The following GPR141 variants were observed in gnomAD, a reference collection of about 807,000 sequenced individuals.
GPR141 encodes probable G protein-coupled receptor 141.
A neutral mutation model predicts 6.8 loss-of-function variants in GPR141; 6 were observed. The observed-to-expected ratio is 0.88, with a 90% CI of 0.48 to 1.74. The LOEUF is 1.74. Ranked by LOEUF, GPR141 falls within the 40% of genes most tolerant of loss-of-function variation. The pLI is 0.01. For missense variants in GPR141, 372 were observed against 372.9 expected (o/e 1.00, Z 0.02); for synonymous variants, 140 against 142.3 (o/e 0.98, Z 0.11).
At chr7:37,722,845 A>T (rs557686239) in intron 2 of GPR141, among the ~76,000 whole-genome samples, 4 of 152,256 alleles carry the variant, frequency 2.6e-5, no homozygotes, top group African/African-American at 9.6e-5. Context: ...TCTAACACAG[A>T]TGCATAGAAA....
In GPR141 at chr7:37,742,814, A is replaced by G. The variant is rs886422117; in HGVS notation, c.*1503A>G. ...AAACTCCCATGACACATGTTTACCT[A>G]TGTAACAAACCTGCACATGTACCCC... On this transcript the variant is annotated 3_prime_UTR_variant, in exon 3 of 3. Coordinates refer to ENST00000334425, the MANE Select transcript of GPR141 (RefSeq NM_001381946.1). Among the ~76,000 whole-genome samples, 1 of 152,204 alleles carries G rather than the reference A, an allele frequency of 6.6e-6. No homozygotes were observed. Among genetic ancestry groups the G allele is most frequent in the African/African-American group, 2.4e-5 (1 of 41,458 alleles).
Position 37,740,519 on chromosome 7 carries a change from G to C in GPR141, c.126G>C (p.Leu42=). ...LVGVISILFL[L]VKMNTRSVTT... The stretch of plus-strand genomic sequence containing the variant: ...GTGTCATTTCCATTCTTTTCCTCCT[G>C]GTGAAAATGAACACCCGGTCAGTGA... The change falls in exon 3 of 3, where the codon CTG becomes CTC. Residue 42 remains leucine, a synonymous_variant. Coordinates refer to ENST00000334425, the MANE Select transcript of GPR141 (RefSeq NM_001381946.1). 6.2e-7 allele frequency: 1 copy of C among 1,613,934 alleles called. No individual in the cohort carries two copies. The highest frequency in any genetic ancestry group is 1.1e-5 in the South Asian group (1 of 91,068).
Position 37,732,037 on chromosome 7 carries a change from T to TTTTATTTA in GPR141, c.-14-8331_-14-8324dup, listed in dbSNP as rs59467979. The stretch of plus-strand genomic sequence containing the variant: ...AGGTTTCTTTGTTTGTTTTTTTTAT[T>TTTTATTTA]TTTATTTATTTATTTATTTTATTTT... On this transcript the variant is annotated intron_variant, in intron 2 of 2. Coordinates refer to ENST00000334425, the MANE Select transcript of GPR141 (RefSeq NM_001381946.1). Among the ~76,000 whole-genome samples the TTTTATTTA allele has an allele frequency of 7.4e-3, 1,075 of 146,150 alleles. 14 individuals are homozygous for TTTTATTTA. The highest frequency in any genetic ancestry group is 0.025 in the African/African-American group (1,005 of 40,348).
At chr7:37,713,855 A>G (rs930891218) in intron 2 of GPR141, among the ~76,000 whole-genome samples, 1 of 152,176 alleles carries the variant, frequency 6.6e-6, no homozygotes, top group Non-Finnish European at 1.5e-5. Context: ...TCTGTTTGTC[A>G]TCTCCTTTAA....
chr7:37,741,441 AAATGCAAGAG>A lies in GPR141; in HGVS notation c.*131_*140del. Reference sequence around the variant, plus strand: ...ATGTACCCAAAACAAAAGGACTATAAAATGCAAGAGCCCTCATTGTAGTCCTTATGGGATC... The same window carrying A: ...ATGTACCCAAAACAAAAGGACTATAACCCTCATTGTAGTCCTTATGGGATC... On this transcript the variant is annotated 3_prime_UTR_variant, in exon 3 of 3. Transcript: ENST00000334425. The A allele has an allele frequency of 1.5e-6, 1 of 677,208 alleles. No individual in the cohort carries two copies. 41.9% of individuals were successfully genotyped at this position (677,208 alleles called of 1,614,324 possible).
chr7:37,692,268 T>C (rs1377150472), intron 2 of GPR141, among the ~76,000 whole-genome samples: 1 of 152,182 alleles, frequency 6.6e-6, no homozygotes, highest in Non-Finnish European at 1.5e-5. Context: ...GTTCCTCTGT[T>C]AGTTTGCTGA....
rs141485529 is a variant in GPR141 at position 37,729,462 on chromosome 7, C to T, written c.-14-10918C>T. ...GGCCATATCCAAAAAATGTTTAATC[C>T]AGTCAGGGCACTTTTTCACCATTAT... On this transcript the variant is annotated intron_variant, in intron 2 of 2. Transcript: ENST00000334425. 6.1e-3 allele frequency among the ~76,000 whole-genome samples: 936 copies of T among 152,302 alleles called. 6 individuals carry two copies. The highest frequency in any genetic ancestry group is 0.021 in the African/African-American group (890 of 41,548).
At chr7:37,740,136 T>C (rs891191214) in intron 2 of GPR141, among the ~76,000 whole-genome samples, 3 of 152,172 alleles carry the variant, frequency 2.0e-5, no homozygotes, top group Non-Finnish European at 2.9e-5. Flanking sequence ...TACATCTCTC[T>C]GGGGGGCAAC....
chr7:37,739,192 T>A (rs1047098546), intron 2 of GPR141, among the ~76,000 whole-genome samples: 3 of 152,198 alleles, frequency 2.0e-5, no homozygotes, highest in Non-Finnish European at 2.9e-5. Context: ...TGGGTAATAT[T>A]CCATTATACA....
chr7:37,717,702 C>G (rs551624786), intron 2 of GPR141, among the ~76,000 whole-genome samples: 1 of 152,328 alleles, frequency 6.6e-6, no homozygotes, highest in Non-Finnish European at 1.5e-5. Flanking sequence ...CAACAATGCT[C>G]TGATGCACTA....
chr7:37,739,544 C>A (rs1008521492), intron 2 of GPR141, among the ~76,000 whole-genome samples: 3 of 152,174 alleles, frequency 2.0e-5, no homozygotes, highest in Admixed American at 6.5e-5. Context: ...AGATAGGAAA[C>A]TGACATGACT....
intron 2 of GPR141, among the ~76,000 whole-genome samples, chr7:37,719,797 A>G (rs1436407218): frequency 6.6e-6 from 1 of 152,062 alleles, no homozygotes; most frequent in Non-Finnish European, 1.5e-5. Flanking sequence ...TTTTTGAAAA[A>G]CATTCCTTCG....
intron 2 of GPR141, among the ~76,000 whole-genome samples, chr7:37,722,723 A>AG (rs1811397968): frequency 1.0e-4 from 3 of 29,290 alleles, no homozygotes; most frequent in African/African-American, 2.4e-4. Flanking sequence ...TCCATCTCAA[A>AG]AAAAAAAAAA....
chr7:37,722,049 A>C (rs1811352072), intron 2 of GPR141, among the ~76,000 whole-genome samples: 1 of 152,336 alleles, frequency 6.6e-6, no homozygotes, highest in South Asian at 2.1e-4. Context: ...GAAATATTTC[A>C]TGTCTGTCAA....
intron 2 of GPR141, among the ~76,000 whole-genome samples, chr7:37,699,966 C>CT (rs1488165981): frequency 6.6e-6 from 1 of 152,146 alleles, no homozygotes; most frequent in Non-Finnish European, 1.5e-5. Flanking sequence ...CTTTTCTGTC[C>CT]TTCAGTCTAT....
At position 37,740,758 on chromosome 7, in the gene GPR141, A is replaced by G. The variant is rs761132797; in HGVS notation, c.365A>G (p.Asp122Gly). The G allele has an allele frequency of 1.9e-6, 3 of 1,614,114 alleles. No homozygotes were observed. Among genetic ancestry groups the G allele is most frequent in the Non-Finnish European group, 2.5e-6 (3 of 1,179,998 alleles). The change falls in exon 3 of 3, where the codon GAC becomes GGC. Residue 122 changes from aspartate to glycine, a missense_variant. By Grantham distance (94) the Asp-to-Gly change is moderately conservative. Transcript: ENST00000334425. ...TRYLIFFKCK[D>G]KVEFYRKLHA... ...TACCTCATCTTCTTCAAGTGCAAAGACAAAGTGGAATTCTACAGAAAACTG... is the reference window on the plus strand; with the variant it reads ...TACCTCATCTTCTTCAAGTGCAAAGGCAAAGTGGAATTCTACAGAAAACTG...
intron 2 of GPR141, among the ~76,000 whole-genome samples, chr7:37,689,133 A>G (rs1809645902): frequency 6.6e-6 from 1 of 152,098 alleles, no homozygotes. Context: ...CTTTTTCTGA[A>G]TCTATTGAGA....
chr7:37,717,618 T>C (rs1811108791), intron 2 of GPR141, among the ~76,000 whole-genome samples: 1 of 152,164 alleles, frequency 6.6e-6, no homozygotes, highest in Admixed American at 6.5e-5. Context: ...TGCCTTTAAG[T>C]GTCACTCCAA....
At chr7:37,713,051 A>G (rs938611612) in intron 2 of GPR141, among the ~76,000 whole-genome samples, 64 of 152,376 alleles carry the variant, frequency 4.2e-4, no homozygotes, top group African/African-American at 1.5e-3. Flanking sequence ...CAGAGCCACA[A>G]GCTAGCACAT....
Sources: allele counts gnomAD v4.1 joint callset (sites outside exome capture counted in the v4.1 genomes callset), GRCh38; gene constraint gnomAD v4.1.1; transcripts MANE v1.5; gene names NCBI Gene and HGNC (gene_info 2026-07-23, HGNC 2026-07-21).